The following DGKG variants were observed in gnomAD, a reference collection of about 807,000 sequenced individuals.
The protein encoded by DGKG is DAG kinase gamma.
In DGKG, 78 loss-of-function variants were observed where a neutral mutation model predicts 105.3. The observed-to-expected ratio is 0.74, with a 90% CI of 0.62 to 0.89. The LOEUF is 0.89. Among genes scored for constraint, DGKG ranks in the 40% least tolerant of loss-of-function variants. The pLI is 0.00. For missense variants in DGKG, 958 were observed against 1,020.1 expected (o/e 0.94, Z 0.83); for synonymous variants, 346 against 367.1 (o/e 0.94, Z 0.66).
chr3:186,324,280 C>T (rs1725230725), intron 1 of DGKG, among the ~76,000 whole-genome samples: 1 of 152,038 alleles, frequency 6.6e-6, no homozygotes, highest in South Asian at 2.1e-4. Context: ...AGCTATTTCA[C>T]CCTAGACATA....
chr3:186,273,410 CT>C (rs1305013937), intron 10 of DGKG, among the ~76,000 whole-genome samples: 4 of 139,734 alleles, frequency 2.9e-5, no homozygotes, highest in Admixed American at 7.2e-5. Context: ...GAATCTCACC[CT>C]TTCACCAGGC....
At chr3:186,201,157 C>CTT (rs571499704) in intron 21 of DGKG, among the ~76,000 whole-genome samples, 2 of 145,506 alleles carry the variant, frequency 1.4e-5, no homozygotes, top group Non-Finnish European at 1.5e-5. Context: ...CTCTTTCTTT[C>CTT]TTTTTTTTTT....
intron 3 of DGKG, among the ~76,000 whole-genome samples, chr3:186,302,514 GTATATATATATATATATACATATGTA>G (rs1560143718): frequency 1.8e-3 from 30 of 16,690 alleles, no homozygotes; most frequent in Middle Eastern, 0.062. Flanking sequence ...ATACATATGT[GTATATATATATATATATACATATGTA>G]TATATATATA....
rs552451615 is a variant in DGKG, at chr3:186,311,972, C to T, written c.68-4995G>A. ...TCTACTAAAAATACAAAAAATTAGC[C>T]GGGCGCGGTGGCGGGCGCCTGTAGT... On this transcript the variant is annotated intron_variant, in intron 2 of 24. Transcript: ENST00000265022. Among the ~76,000 whole-genome samples, 77 of 140,080 alleles carry T rather than the reference C, an allele frequency of 5.5e-4. 5 individuals carry two copies. In the South Asian group the frequency reaches 7.7e-3, roughly 14 times the overall value. The allele number at this position is 140,080 out of a possible 152,430, so 91.9% of individuals were successfully genotyped here.
Position 186,297,062 on chromosome 3 carries a change from T to TCACACACACA in DGKG, c.373+358_373+359insTGTGTGTGTG, listed in dbSNP as rs1491170428. Among the ~76,000 whole-genome samples the TCACACACACA allele has an allele frequency of 5.7e-3, 152 of 26,804 alleles. 4 individuals are homozygous for TCACACACACA. The highest frequency in any genetic ancestry group is 0.011 in the African/African-American group (147 of 12,810). 17.6% of individuals were successfully genotyped at this position (26,804 alleles called of 152,430 possible). A position where few individuals can be genotyped will look rare whatever the true frequency, so the allele number is the denominator to read the frequency against. Reference sequence around the variant, plus strand: ...CCACCTCTCTCTGTCTGTCTGTCTGTCTCTCTCACACACACACACACACAC... The same window carrying TCACACACACA: ...CCACCTCTCTCTGTCTGTCTGTCTGTCACACACACACTCTCTCACACACACACACACACAC... On this transcript the variant is annotated intron_variant, in intron 5 of 24. Coordinates refer to ENST00000265022, the MANE Select transcript of DGKG (RefSeq NM_001346.3).
At chr3:186,334,823 T>C (rs1450860385) in intron 1 of DGKG, among the ~76,000 whole-genome samples, 1 of 152,138 alleles carries the variant, frequency 6.6e-6, no homozygotes, top group Admixed American at 6.5e-5. Flanking sequence ...GGAATTATGT[T>C]ATATGACACA....
chr3:186,279,378 A>C (rs1227997027), intron 9 of DGKG: 1 of 152,726 alleles, frequency 6.5e-6, no homozygotes, highest in East Asian at 1.9e-4. Context: ...AAAAATATTT[A>C]CCTTATCTGG....
At chr3:186,161,737 A>C in intron 23 of DGKG, 74 bp from the exon 24 acceptor site, 1 of 1,609,164 alleles carries the variant, frequency 6.2e-7, no homozygotes, top group Non-Finnish European at 8.5e-7. Context: ...CCACCAGGAA[A>C]ACAGAAGTAG....
At chr3:186,292,145 C>T (rs549488216) in intron 5 of DGKG, among the ~76,000 whole-genome samples, 6 of 152,264 alleles carry the variant, frequency 3.9e-5, no homozygotes, top group African/African-American at 1.2e-4. Context: ...TGTCCTGGTG[C>T]CATGTCCTAA....
intron 6 of DGKG, among the ~76,000 whole-genome samples, chr3:186,287,899 T>C (rs1407368848): frequency 6.6e-6 from 1 of 152,220 alleles, no homozygotes; most frequent in Non-Finnish European, 1.5e-5. Context: ...TACATTTTTT[T>C]CCCCTTACTG....
At chr3:186,162,616 T>C (rs1243795205) in intron 23 of DGKG, among the ~76,000 whole-genome samples, 1 of 152,216 alleles carries the variant, frequency 6.6e-6, no homozygotes, top group Non-Finnish European at 1.5e-5. Context: ...CTCGGCTCAC[T>C]GCAAGCTCTG....
intron 1 of DGKG, among the ~76,000 whole-genome samples, chr3:186,321,754 G>A (rs182259036): frequency 6.6e-6 from 1 of 152,272 alleles, no homozygotes; most frequent in African/African-American, 2.4e-5. Flanking sequence ...TTTGGACCTG[G>A]AGAGTGAACT....
intron 19 of DGKG, among the ~76,000 whole-genome samples, chr3:186,245,490 C>T (rs1720897551): frequency 6.6e-6 from 1 of 152,206 alleles, no homozygotes; most frequent in South Asian, 2.1e-4. Flanking sequence ...ATTTGGGAAA[C>T]CAGGGCTACG....
At position 186,268,818 on chromosome 3, in the gene DGKG, C is replaced by T. The variant is rs769837486; in HGVS notation, c.1099G>A (p.Val367Met). Residue 367 changes from valine (V) to methionine (M), a missense_variant, in exon 12 of 25, where the codon GTG becomes ATG. Physicochemically the swap from Val to Met is conservative, Grantham distance 21. This residue lies in a region of DGKG where 643 missense variants were observed against 619.5 expected (regional missense o/e 1.04). Coordinates refer to ENST00000265022, the MANE Select transcript of DGKG (RefSeq NM_001346.3). Reference protein sequence around the residue: ...CYQSVTARHCVWCRMTFHRKC... With the variant: ...CYQSVTARHCMWCRMTFHRKC... ...CAACCCACCGTCATCCGGCACCACACGCAGTGCCGCGCGGTGACACTCTGG... is the reference window on the plus strand; with the variant it reads ...CAACCCACCGTCATCCGGCACCACATGCAGTGCCGCGCGGTGACACTCTGG... 48 of 1,612,616 alleles carry T rather than the reference C, an allele frequency of 3.0e-5. No individual in the cohort carries two copies. Among genetic ancestry groups the T allele is most frequent in the Non-Finnish European group, 3.2e-5 (38 of 1,179,030 alleles).
intron 9 of DGKG, 25 bp from the exon 10 acceptor site, chr3:186,275,689 C>A: frequency 6.3e-7 from 1 of 1,587,346 alleles, no homozygotes; most frequent in South Asian, 1.1e-5. Flanking sequence ...GGAGGTGAGA[C>A]CCCAAGCTGG....
intron 2 of DGKG, 53 bp downstream of exon 2, chr3:186,320,339 AT>A: frequency 6.2e-7 from 1 of 1,610,674 alleles, no homozygotes; most frequent in Non-Finnish European, 8.5e-7. Flanking sequence ...TCCAGAAATG[AT>A]TTCTCCAGCC....
chr3:186,293,995 A>G (rs1723429853), intron 5 of DGKG, among the ~76,000 whole-genome samples: 2 of 152,342 alleles, frequency 1.3e-5, no homozygotes, highest in East Asian at 1.9e-4. Context: ...TCCTTGGGCC[A>G]AGAGTCAGAT....
chr3:186,159,274 T>A (rs1006022621), intron 24 of DGKG: 1 of 152,116 alleles, frequency 6.6e-6, no homozygotes, highest in African/African-American at 2.4e-5. Context: ...TTGAAAGGTG[T>A]GCACCCTATT....
intron 19 of DGKG, among the ~76,000 whole-genome samples, chr3:186,247,301 A>T (rs1720990599): frequency 6.6e-6 from 1 of 151,602 alleles, no homozygotes; most frequent in Non-Finnish European, 1.5e-5. Context: ...TTCTGTTGGC[A>T]TCAAGGGGTC....
Sources: gnomAD v4.1 joint callset for allele counts (sites outside exome capture counted in the v4.1 genomes callset) on GRCh38, gnomAD v4.1.1 for gene constraint, gnomAD v4.1.1 regional missense constraint, MANE v1.5 for transcripts, NCBI Gene and HGNC (gene_info 2026-07-23, HGNC 2026-07-21) for gene names.